Variants in ABCF2 observed in about 807,000 individuals in gnomAD.
ABCF2 encodes ATP-binding cassette sub-family F member 2.
In ABCF2, 37 loss-of-function variants were observed where a neutral mutation model predicts 76.9. The ratio of observed to expected loss-of-function variants is 0.48; its 90% CI spans 0.37 to 0.63. The LOEUF is 0.63. ABCF2 is among the 30% of genes least tolerant of loss of function. The pLI, the probability that ABCF2 is intolerant of heterozygous loss-of-function variation, is 0.00. For synonymous variants in ABCF2, 299 were observed against 283.7 expected (o/e 1.05, Z -0.54); for missense variants, 524 against 782.1 (o/e 0.67, Z 3.94).
At position 151,214,060 on chromosome 7, in the gene ABCF2, G is replaced by A. The variant is rs142050158; in HGVS notation, c.1866C>T (p.Asn622=). ...CCGAACCCAGGTAGAGGGCTCACAC[G>A]TTGTGGGTCCTCTTGGTGAGCTGGG... The part of the protein sequence containing the change: ...EEPQLTKRTH[N]V The change falls in exon 15 of 15, where the codon AAC becomes AAT. Residue 622 remains asparagine (N), a synonymous_variant. Coordinates refer to ENST00000287844, the MANE Select transcript of ABCF2 (RefSeq NM_007189.3). The surrounding 1 kb of genome is among the most constrained non-coding windows in gnomAD (Gnocchi z 4.9). 13 of 1,613,726 alleles carry A rather than the reference G, an allele frequency of 8.1e-6. No individual in the cohort carries two copies. The highest frequency in any genetic ancestry group is 1.7e-4 in the Middle Eastern group (1 of 5,886).
At position 151,218,748 on chromosome 7, in the gene ABCF2, C is replaced by T. The variant is rs1232023825; in HGVS notation, c.1137+6G>A. 6.2e-7 allele frequency: 1 copy of T among 1,613,584 alleles called. No homozygotes were observed. ...CCCAATCACACCCCACCCAATCACA[C>T]CCCACCTTATCGCTCACGACCCTCT... On this transcript the variant is annotated splice_donor_region_variant and intron_variant, in intron 9 of 14. Coordinates refer to ENST00000287844, the MANE Select transcript of ABCF2 (RefSeq NM_007189.3).
intron 7 of ABCF2, among the ~76,000 whole-genome samples, chr7:151,221,267 T>TCAG (rs1412631711): frequency 2.0e-5 from 3 of 150,920 alleles, no homozygotes; most frequent in Non-Finnish European, 4.4e-5. Flanking sequence ...TGGTGTGATC[T>TCAG]CAGCTCACTG....
chr7:151,225,352 A>G (rs1365075415), intron 2 of ABCF2, among the ~76,000 whole-genome samples: 1 of 152,236 alleles, frequency 6.6e-6, no homozygotes, highest in East Asian at 1.9e-4. Flanking sequence ...ACATTTACTT[A>G]GTGTCTACCT....
At position 151,215,538 on chromosome 7, in the gene ABCF2, C is replaced by A; in HGVS notation, c.1530+66G>T. The A allele has an allele frequency of 6.3e-7, 1 of 1,597,308 alleles. No homozygotes were observed. Among genetic ancestry groups the A allele is most frequent in the South Asian group, 1.1e-5 (1 of 88,920 alleles). ...CAAACCCAGGCTGCCAGGACAGTATCCCCTGACCCACCCAGCCACAGTCTG... is the reference window on the plus strand; with the variant it reads ...CAAACCCAGGCTGCCAGGACAGTATACCCTGACCCACCCAGCCACAGTCTG... On this transcript the variant is annotated intron_variant, in intron 13 of 14. Transcript: ENST00000287844. This position sits in a 1 kb window ranked among gnomAD's most constrained non-coding sequence, Gnocchi z 4.6.
rs572846544 is a variant in ABCF2, at chr7:151,213,343, C to T, written c.*711G>A. On this transcript the variant is annotated 3_prime_UTR_variant, in exon 15 of 15. Transcript: ENST00000287844. ...TGAATCACAGGCCTGAGAAAAGGTA[C>T]AATTTCAAATCAGAAGTAAAGGGAC... The T allele has an allele frequency of 1.4e-5, 14 of 985,336 alleles. No homozygotes were observed. In the South Asian group the frequency reaches 4.7e-4, roughly 33 times the overall value. The allele number at this position is 985,336 out of a possible 1,614,324, so 61.0% of individuals were successfully genotyped here. A position where few individuals can be genotyped will look rare whatever the true frequency, so the allele number is the denominator to read the frequency against.
chr7:151,215,883 G>T lies in ABCF2; in HGVS notation c.1401+84C>A, dbSNP rs1457271772. The T allele has an allele frequency of 1.6e-5, 25 of 1,580,124 alleles. No individual in the cohort carries two copies. In the East Asian group the frequency reaches 4.5e-4, roughly 28 times the overall value. ...TAGGCTGGAATTCCTGCCAGGGGGT[G>T]GGGGCGGCTGGCTGGAACTCAGCCA... On this transcript the variant is annotated intron_variant, in intron 12 of 14. Coordinates refer to ENST00000287844, the MANE Select transcript of ABCF2 (RefSeq NM_007189.3). The surrounding 1 kb of genome is among the most constrained non-coding windows in gnomAD (Gnocchi z 4.6).
chr7:151,212,588 C>G lies in ABCF2; in HGVS notation c.*1466G>C, dbSNP rs183541696. ...CTCTGCTCACTGCAGCCTCAACCTC[C>G]TGGGCTCAAGTGAGCCTCCTCTTAT... On this transcript the variant is annotated 3_prime_UTR_variant, in exon 15 of 15. Coordinates refer to ENST00000287844, the MANE Select transcript of ABCF2 (RefSeq NM_007189.3). 6.5e-6 allele frequency: 5 copies of G among 765,634 alleles called. No homozygotes were observed. The East Asian group carries it at 6.4e-4, about 98-fold the overall frequency. The allele number at this position is 765,634 out of a possible 1,614,324, so 47.4% of individuals were successfully genotyped here.
At chr7:151,223,198 T>C (rs1802306433) in intron 5 of ABCF2, among the ~76,000 whole-genome samples, 1 of 152,120 alleles carries the variant, frequency 6.6e-6, no homozygotes, top group South Asian at 2.1e-4. Flanking sequence ...CAGAGAATGA[T>C]GGGGCAAGGA....
chr7:151,211,522 T>A lies in ABCF2; in HGVS notation c.*2532A>T, dbSNP rs953335423. On this transcript the variant is annotated 3_prime_UTR_variant, in exon 15 of 15. Transcript: ENST00000287844. ...ATGTATTTTGTGGACTTTTAAAGCA[T>A]TATTTAAATTACCAAGGTTGACATT... 1 of 984,446 alleles carries A rather than the reference T, an allele frequency of 1.0e-6. No homozygotes were observed. Among genetic ancestry groups the A allele is most frequent in the African/African-American group, 1.7e-5 (1 of 57,230 alleles). 61.0% of individuals were successfully genotyped at this position (984,446 alleles called of 1,614,324 possible). A position where few individuals can be genotyped will look rare whatever the true frequency, so the allele number is the denominator to read the frequency against.
intron 10 of ABCF2, 140 bp from the exon 11 acceptor site, chr7:151,218,331 C>T (rs1330552527): frequency 1.1e-5 from 8 of 707,760 alleles, no homozygotes; most frequent in Admixed American, 5.2e-5. Context: ...TAGCAGACCC[C>T]GCCTCGCCCA....
At chr7:151,223,638 T>C in intron 5 of ABCF2, 40 bp downstream of exon 5, 3 of 1,548,678 alleles carry the variant, frequency 1.9e-6, no homozygotes, top group Middle Eastern at 2.2e-4. Flanking sequence ...ACTGGAGAGA[T>C]GGGGGAGTTA....
intron 7 of ABCF2, 27 bp downstream of exon 7, chr7:151,221,551 T>C (rs1047154630): frequency 6.5e-6 from 9 of 1,385,908 alleles, no homozygotes; most frequent in Non-Finnish European, 9.2e-6. Context: ...GCACAGAGAT[T>C]ACCAGAAGAA....
In ABCF2 at chr7:151,226,289, C is replaced by T. The variant is rs1265111151; in HGVS notation, c.154+16G>A. ...GTCTTAGCAACCATCCCCAACTCAC[C>T]CCTCCCTCAATTCACCTGTGGTCTC... On this transcript the variant is annotated intron_variant, in intron 2 of 14. Transcript: ENST00000287844. 1 of 1,608,110 alleles carries T rather than the reference C, an allele frequency of 6.2e-7. No individual in the cohort carries two copies. The highest frequency in any genetic ancestry group is 1.1e-5 in the South Asian group (1 of 90,494).
rs1009535841 is a variant in ABCF2 at position 151,215,512 on chromosome 7, C to T, written c.1530+92G>A. On this transcript the variant is annotated intron_variant, in intron 13 of 14. Coordinates refer to ENST00000287844, the MANE Select transcript of ABCF2 (RefSeq NM_007189.3). The surrounding 1 kb of genome is among the most constrained non-coding windows in gnomAD (Gnocchi z 4.6). The stretch of plus-strand genomic sequence containing the variant: ...GAGGAGACTCTGGTTTGGACAGCTT[C>T]CAAACCCAGGCTGCCAGGACAGTAT... 6.5e-7 allele frequency: 1 copy of T among 1,534,874 alleles called. No homozygotes were observed. Among genetic ancestry groups the T allele is most frequent in the African/African-American group, 1.4e-5 (1 of 73,356 alleles).
rs1461693634 is a variant in ABCF2 at position 151,211,731 on chromosome 7, A to G, written c.*2323T>C. The G allele has an allele frequency of 1.0e-6, 1 of 985,204 alleles. No individual in the cohort carries two copies. The highest frequency in any genetic ancestry group is 1.2e-6 in the Non-Finnish European group (1 of 829,910). The allele number at this position is 985,204 out of a possible 1,614,324, so 61.0% of individuals were successfully genotyped here. On this transcript the variant is annotated 3_prime_UTR_variant, in exon 15 of 15. Transcript: ENST00000287844. ...ATTATCCCAGCAGCCCACTCTCCAG[A>G]TGCCATTCTCCCCTGAACCAAGGCT...
Position 151,213,025 on chromosome 7 carries a change from A to G in ABCF2, c.*1029T>C. 1 of 974,590 alleles carries G rather than the reference A, an allele frequency of 1.0e-6. No individual in the cohort carries two copies. Among genetic ancestry groups the G allele is most frequent in the Non-Finnish European group, 1.2e-6 (1 of 820,432 alleles). The allele number at this position is 974,590 out of a possible 1,614,324, so 60.4% of individuals were successfully genotyped here. A position where few individuals can be genotyped will look rare whatever the true frequency, so the allele number is the denominator to read the frequency against. ...GTGATCCACCTGCCTCAGCCTCCCA[A>G]AGCGCTGGGATTACAGGTGTGAGCC... On this transcript the variant is annotated 3_prime_UTR_variant, in exon 15 of 15. Transcript: ENST00000287844.
At chr7:151,216,386 C>A (rs963009255) in intron 11 of ABCF2, among the ~76,000 whole-genome samples, 4 of 152,238 alleles carry the variant, frequency 2.6e-5, no homozygotes, top group African/African-American at 4.8e-5. Flanking sequence ...AGAAACAGAA[C>A]CTATTTTAAA....
chr7:151,224,231 T>C, intron 3 of ABCF2, 117 bp from the exon 4 acceptor site: 1 of 928,612 alleles, frequency 1.1e-6, no homozygotes, highest in Non-Finnish European at 1.6e-6. Flanking sequence ...TTTGAGGACC[T>C]TTCTTCCCTT....
rs760985399 is a variant in ABCF2, at chr7:151,213,461, C to CT, written c.*592dup. 1.7e-5 allele frequency: 17 copies of CT among 985,598 alleles called. No homozygotes were observed. The East Asian group carries it at 5.7e-4, about 33-fold the overall frequency. The allele number at this position is 985,598 out of a possible 1,614,324, so 61.1% of individuals were successfully genotyped here. A position where few individuals can be genotyped will look rare whatever the true frequency, so the allele number is the denominator to read the frequency against. On this transcript the variant is annotated 3_prime_UTR_variant, in exon 15 of 15. Transcript: ENST00000287844. The stretch of plus-strand genomic sequence containing the variant: ...CTGCTGTGGGCAGTGCATGTTGGCA[C>CT]TGCAGGGAGGAGAAGGCCCCAGAGA...
Sources: allele counts gnomAD v4.1 joint callset (sites outside exome capture counted in the v4.1 genomes callset), GRCh38; gene constraint gnomAD v4.1.1; non-coding constraint Gnocchi (gnomAD v3.1); transcripts MANE v1.5; gene names NCBI Gene and HGNC (gene_info 2026-07-23, HGNC 2026-07-21).